The following ARHGAP39 variants were observed in gnomAD, a reference collection of about 807,000 sequenced individuals.
ARHGAP39 encodes the protein Rho GTPase activating protein 39, also known as rho GTPase-activating protein 39.
ARHGAP39 carries 44 observed loss-of-function variants against 106.9 expected under a neutral mutation model. The ratio of observed to expected loss-of-function variants is 0.41; its 90% CI spans 0.32 to 0.53. ARHGAP39 has a LOEUF of 0.53. Ranked by LOEUF, ARHGAP39 falls within the 20% of genes least tolerant of loss-of-function variation. The pLI is 0.21. For synonymous variants in ARHGAP39, 768 were observed against 693.2 expected (o/e 1.11, Z -1.69); for missense variants, 1,496 against 1,577.3 (o/e 0.95, Z 0.87).
At chr8:144,563,528 T>C (rs1234209876) in intron 3 of ARHGAP39, among the ~76,000 whole-genome samples, 1 of 152,048 alleles carries the variant, frequency 6.6e-6, no homozygotes, top group African/African-American at 2.4e-5. Context: ...GGCTCAGCCC[T>C]AAAATCCCAA....
Position 144,547,267 on chromosome 8 carries a change from C to G in ARHGAP39, c.1819G>C (p.Glu607Gln). 6.2e-7 allele frequency: 1 copy of G among 1,612,454 alleles called. No individual in the cohort carries two copies. Among genetic ancestry groups the G allele is most frequent in the South Asian group, 1.1e-5 (1 of 91,028 alleles). ...GPVVRAFSED[E>Q]ALAQQENRHW... ...CTGTTCTCCTGCTGGGCCAGCGCCTCGTCCTCGCTGAAGGCCCGCACCACC... is the reference window on the plus strand; with the variant it reads ...CTGTTCTCCTGCTGGGCCAGCGCCTGGTCCTCGCTGAAGGCCCGCACCACC... The change falls in exon 5 of 12, where the codon GAG becomes CAG. Residue 607 changes from glutamate (E) to glutamine (Q), a missense_variant. By Grantham distance (29) the Glu-to-Gln change is conservative. This residue lies in a region of ARHGAP39 where 905 missense variants were observed against 816.4 expected (regional missense o/e 1.11). Transcript: ENST00000377307. The surrounding 1 kb of genome is among the most constrained non-coding windows in gnomAD (Gnocchi z 5.2).
chr8:144,545,331 G>A lies in ARHGAP39; in HGVS notation c.2439C>T (p.Ala813=), dbSNP rs773980215. The change falls in exon 6 of 12, where the codon GCC becomes GCT. Residue 813 remains alanine, a synonymous_variant. Transcript: ENST00000377307. The part of the protein sequence containing the change: ...RGWELMAICL[A]FFPPTPKFHS... ...GGAACTTGGGGGTGGGCGGGAAAAA[G>A]GCCAGGCAGATGGCCATGAGCTCCC... is the stretch of plus-strand genomic sequence containing the variant. The A allele has an allele frequency of 2.5e-6, 4 of 1,599,566 alleles. No individual in the cohort carries two copies. In the South Asian group the frequency reaches 3.3e-5, roughly 13 times the overall value.
In ARHGAP39 at chr8:144,530,542, G is replaced by A. The variant is rs1564830749; in HGVS notation, c.3225C>T (p.Asn1075=). Residue 1075 remains asparagine, a synonymous_variant, in exon 12 of 12, where the codon AAC becomes AAT. Coordinates refer to ENST00000377307, the MANE Select transcript of ARHGAP39 (RefSeq NM_025251.3). ...GGTCGTCGGACTGGCAGCGCAAGCA[G>A]TTGGGCGCCATCACCATGGCCAGGT... ...VSNLAMVMAP[N]CLRCQSDDPR... The A allele has an allele frequency of 6.2e-7, 1 of 1,611,780 alleles. No homozygotes were observed. Among genetic ancestry groups the A allele is most frequent in the Non-Finnish European group, 8.5e-7 (1 of 1,179,710 alleles).
intron 6 of ARHGAP39, among the ~76,000 whole-genome samples, chr8:144,544,910 G>A (rs1817344248): frequency 6.6e-6 from 1 of 152,278 alleles, no homozygotes; most frequent in African/African-American, 2.4e-5. Flanking sequence ...ACAGGTGCCT[G>A]ACTACGGCTG....
chr8:144,557,712 C>A (rs1176999389), intron 3 of ARHGAP39, among the ~76,000 whole-genome samples: 2 of 152,130 alleles, frequency 1.3e-5, no homozygotes, highest in Non-Finnish European at 2.9e-5. Context: ...GCTGAACCTT[C>A]ATAGTATTCA....
chr8:144,601,262 G>T lies in ARHGAP39; in HGVS notation c.80+4273C>A, dbSNP rs569357353. The stretch of plus-strand genomic sequence containing the variant: ...TGTGTGCATGGAGGCGTGTGTGCTC[G>T]TGAACCTGTGTGTGTGCATGGAGGC... On this transcript the variant is annotated intron_variant, in intron 2 of 11. Coordinates refer to ENST00000377307, the MANE Select transcript of ARHGAP39 (RefSeq NM_025251.3). Among the ~76,000 whole-genome samples the T allele has an allele frequency of 7.0e-4, 100 of 142,780 alleles. 1 individual carries two copies. The South Asian group carries it at 0.023, about 32-fold the overall frequency. 93.7% of individuals were successfully genotyped at this position (142,780 alleles called of 152,430 possible).
intron 3 of ARHGAP39, among the ~76,000 whole-genome samples, chr8:144,557,380 A>G: frequency 7.7e-6 from 1 of 130,374 alleles, no homozygotes; most frequent in Admixed American, 7.8e-5. Flanking sequence ...GAACCTTCAT[A>G]GTATTCAGTG....
intron 1 of ARHGAP39, among the ~76,000 whole-genome samples, chr8:144,631,154 G>C (rs999663713): frequency 2.6e-5 from 4 of 152,174 alleles, no homozygotes; most frequent in Admixed American, 1.3e-4. Context: ...CATCGCCAAG[G>C]GGGTGGGCCA....
At chr8:144,567,188 C>A (rs1564851813) in intron 3 of ARHGAP39, among the ~76,000 whole-genome samples, 1 of 152,114 alleles carries the variant, frequency 6.6e-6, no homozygotes. Flanking sequence ...ATATGAATAT[C>A]ATTGATCAAT....
intron 1 of ARHGAP39, among the ~76,000 whole-genome samples, chr8:144,621,627 C>T (rs767451836): frequency 7.9e-5 from 12 of 152,140 alleles, no homozygotes; most frequent in Non-Finnish European, 1.3e-4. Context: ...GACCAGCCTG[C>T]GAAACATAGT....
At chr8:144,663,476 A>G (rs1187520707) in intron 1 of ARHGAP39, among the ~76,000 whole-genome samples, 1 of 152,100 alleles carries the variant, frequency 6.6e-6, no homozygotes, top group Non-Finnish European at 1.5e-5. Context: ...CTCATGAGGG[A>G]GCCACCCCAT....
In ARHGAP39 at chr8:144,530,442, A is replaced by G; in HGVS notation, c.3325T>C (p.Phe1109Leu). The change falls in exon 12 of 12, where the codon TTC becomes CTC. Residue 1109 changes from phenylalanine (F) to leucine (L), a missense_variant. Phe to Leu is a conservative substitution (Grantham distance 22, BLOSUM62 0). Coordinates refer to ENST00000377307, the MANE Select transcript of ARHGAP39 (RefSeq NM_025251.3). Reference protein sequence around the residue: ...RVLIQHLDTSFMEGVL With the variant: ...RVLIQHLDTSLMEGVL ...CCCCGCTACAGCACACCCTCCATGA[A>G]GCTGGTGTCCAGGTGCTGGATGAGC... The G allele has an allele frequency of 1.2e-6, 2 of 1,607,330 alleles. No homozygotes were observed. The highest frequency in any genetic ancestry group is 1.7e-6 in the Non-Finnish European group (2 of 1,176,654).
intron 1 of ARHGAP39, among the ~76,000 whole-genome samples, chr8:144,637,862 TTC>T (rs1821212602): frequency 6.7e-6 from 1 of 149,868 alleles, no homozygotes; most frequent in South Asian, 2.1e-4. Context: ...ATATTTTTCT[TTC>T]TTTTTTTTTT....
chr8:144,604,945 G>A lies in ARHGAP39; in HGVS notation c.80+590C>T, dbSNP rs1265321018. 3.3e-5 allele frequency among the ~76,000 whole-genome samples: 5 copies of A among 152,216 alleles called. No individual in the cohort carries two copies. Among genetic ancestry groups the A allele is most frequent in the South Asian group, 4.1e-4 (2 of 4,834 alleles). On this transcript the variant is annotated intron_variant, in intron 2 of 11. Transcript: ENST00000377307. The surrounding 1 kb of genome is among the most constrained non-coding windows in gnomAD (Gnocchi z 4.1). ...TCTTATTCTTGTAACTTTTCTGGAA[G>A]CATGAAATTATTTCCAAATAAAAGC... is the stretch of plus-strand genomic sequence containing the variant.
Position 144,562,331 on chromosome 8 carries a change from A to G in ARHGAP39, c.513-6688T>C, listed in dbSNP as rs530686664. Among the ~76,000 whole-genome samples, 8 of 148,170 alleles carry G rather than the reference A, an allele frequency of 5.4e-5. No individual in the cohort carries two copies. The East Asian group carries it at 1.6e-3, about 30-fold the overall frequency. ...GCTCCAGTGGTTTCCATCACGCTCCAGTGGTTTCCATCACGCTCCAGTGGT... is the reference window on the plus strand; with the variant it reads ...GCTCCAGTGGTTTCCATCACGCTCCGGTGGTTTCCATCACGCTCCAGTGGT... On this transcript the variant is annotated intron_variant, in intron 3 of 11. Transcript: ENST00000377307.
chr8:144,620,108 A>C (rs535729611), intron 1 of ARHGAP39, among the ~76,000 whole-genome samples: 2 of 131,064 alleles, frequency 1.5e-5, no homozygotes, highest in Non-Finnish European at 3.2e-5. Context: ...TGTGTCCCTG[A>C]GCATGTGTGC....
intron 1 of ARHGAP39, among the ~76,000 whole-genome samples, chr8:144,643,165 T>C (rs1253491375): frequency 6.6e-6 from 1 of 152,056 alleles, no homozygotes; most frequent in Non-Finnish European, 1.5e-5. Context: ...CATGTTCTTA[T>C]CTCCACCGTA....
intron 1 of ARHGAP39, among the ~76,000 whole-genome samples, chr8:144,676,171 T>C (rs1249940768): frequency 6.6e-6 from 1 of 152,144 alleles, no homozygotes; most frequent in Non-Finnish European, 1.5e-5. Context: ...CTGGCTTGGG[T>C]GGCCTGCTTT....
chr8:144,545,253 A>C lies in ARHGAP39; in HGVS notation c.2517T>G (p.Thr839=). The C allele has an allele frequency of 1.3e-6, 2 of 1,534,824 alleles. No individual in the cohort carries two copies. Among genetic ancestry groups the C allele is most frequent in the Non-Finnish European group, 1.8e-6 (2 of 1,133,914 alleles). Residue 839 remains threonine (T), a synonymous_variant, in exon 6 of 12, where the codon ACT becomes ACG. Coordinates refer to ENST00000377307, the MANE Select transcript of ARHGAP39 (RefSeq NM_025251.3). ...AAAGCCCGTGCATGGCCTTACCTTT[A>C]GTGTCATTGACGGGGTCCATGTGCC... ...IYRHMDPVND[T]KVTQHIKELL...
Sources: gnomAD v4.1 joint callset for allele counts (sites outside exome capture counted in the v4.1 genomes callset) on GRCh38, gnomAD v4.1.1 for gene constraint, gnomAD v4.1.1 regional missense constraint, Gnocchi (gnomAD v3.1) non-coding constraint, MANE v1.5 for transcripts, NCBI Gene and HGNC (gene_info 2026-07-23, HGNC 2026-07-21) for gene names.